PACRG: variants seen among roughly 807,000 people sequenced by gnomAD.
The protein encoded by PACRG is parkin coregulated gene protein.
A neutral mutation model predicts 29.7 loss-of-function variants in PACRG; 29 were observed. The observed-to-expected ratio is 0.98, with a 90% CI of 0.73 to 1.33. The LOEUF (loss-of-function observed/expected upper bound fraction) is 1.33, where lower values mean the gene tolerates loss of function less well. PACRG is among the 40% of genes most tolerant of loss of function. The pLI is 0.00. For missense variants in PACRG, 279 were observed against 316.2 expected, an observed-to-expected ratio of 0.88 and a Z score of 0.89; for synonymous variants, 116 against 118.7, an observed-to-expected ratio of 0.98 and a Z score of 0.15.
chr6:163,256,701 G>A (rs1783122415), intron 4 of PACRG, among the ~76,000 whole-genome samples: 1 of 152,200 alleles, frequency 6.6e-6, no homozygotes, highest in South Asian at 2.1e-4. Flanking sequence ...GAGGTGACAG[G>A]GAAGGTGGCC....
At chr6:163,234,678 G>A (rs1176463812) in intron 4 of PACRG, among the ~76,000 whole-genome samples, 1 of 152,170 alleles carries the variant, frequency 6.6e-6, no homozygotes, top group African/African-American at 2.4e-5. Context: ...AACCACAGGA[G>A]TTTACTTCTA....
At chr6:163,250,733 A>G (rs576369625) in intron 4 of PACRG, among the ~76,000 whole-genome samples, 76 of 152,304 alleles carry the variant, frequency 5.0e-4, no homozygotes, top group African/African-American at 1.8e-3. Context: ...TAGCAGCACA[A>G]TTCACAATTT....
intron 1 of PACRG, among the ~76,000 whole-genome samples, chr6:162,808,203 A>G (rs1160565518): frequency 6.6e-6 from 1 of 152,220 alleles, no homozygotes. Flanking sequence ...AAGGTAACCG[A>G]TTTACCATTC....
chr6:162,773,493 C>CTTTTTTTTTT (rs1562582605), intron 1 of PACRG, among the ~76,000 whole-genome samples: 57 of 82,730 alleles, frequency 6.9e-4, no homozygotes, highest in African/African-American at 2.5e-3. Context: ...TACAGCTTGT[C>CTTTTTTTTTT]ATTTTTTTTT....
intron 2 of PACRG, among the ~76,000 whole-genome samples, chr6:162,914,156 T>C (rs1478554076): frequency 1.3e-5 from 2 of 152,170 alleles, no homozygotes; most frequent in African/African-American, 2.4e-5. Context: ...CAAGATCTCC[T>C]ATGCTTTGTT....
At chr6:163,043,501 G>A (rs1808969848) in intron 2 of PACRG, among the ~76,000 whole-genome samples, 1 of 151,886 alleles carries the variant, frequency 6.6e-6, no homozygotes, top group Non-Finnish European at 1.5e-5. Context: ...GCAGTGAGCC[G>A]AGATCGCACC....
intron 2 of PACRG, among the ~76,000 whole-genome samples, chr6:162,903,698 G>C: frequency 6.6e-6 from 1 of 152,142 alleles, no homozygotes; most frequent in Non-Finnish European, 1.5e-5. Flanking sequence ...GATTCGGGTG[G>C]AGACACAGCC....
intron 4 of PACRG, among the ~76,000 whole-genome samples, chr6:163,266,611 T>G (rs76800853): frequency 6.6e-6 from 1 of 152,208 alleles, no homozygotes; most frequent in Admixed American, 6.5e-5. Flanking sequence ...CTGATTTTTT[T>G]GCTCACATTT....
intron 4 of PACRG, among the ~76,000 whole-genome samples, chr6:163,194,696 G>T (rs1780368012): frequency 6.6e-6 from 1 of 152,338 alleles, no homozygotes; most frequent in South Asian, 2.1e-4. Context: ...CATCAAAATA[G>T]CCTATTTGTG....
intron 2 of PACRG, among the ~76,000 whole-genome samples, chr6:162,860,807 A>T (rs542526975): frequency 6.6e-6 from 1 of 152,314 alleles, no homozygotes; most frequent in East Asian, 1.9e-4. Context: ...GTGGATAATT[A>T]TTCTCTCCTT....
At chr6:162,879,932 G>A (rs933044818) in intron 2 of PACRG, among the ~76,000 whole-genome samples, 1 of 152,254 alleles carries the variant, frequency 6.6e-6, no homozygotes, top group Non-Finnish European at 1.5e-5. Flanking sequence ...GAGAATGTGT[G>A]AGGGGATATA....
At chr6:163,095,258 C>A (rs1237356386) in intron 4 of PACRG, 3 of 985,172 alleles carry the variant, frequency 3.0e-6, no homozygotes, top group Non-Finnish European at 3.6e-6. Flanking sequence ...CAACCCAAAT[C>A]CACTTATAAA....
At chr6:163,274,650 A>G (rs926805043) in intron 4 of PACRG, among the ~76,000 whole-genome samples, 1 of 152,230 alleles carries the variant, frequency 6.6e-6, no homozygotes, top group Non-Finnish European at 1.5e-5. Flanking sequence ...TCCCACCAAC[A>G]GTGTAAAAAT....
chr6:163,184,628 A>G (rs993594195), intron 4 of PACRG, among the ~76,000 whole-genome samples: 3 of 152,228 alleles, frequency 2.0e-5, no homozygotes, highest in Non-Finnish European at 4.4e-5. Context: ...TCTAAGTGGT[A>G]CAGGTGCTAT....
chr6:163,204,007 A>G (rs1780807741), intron 4 of PACRG, among the ~76,000 whole-genome samples: 1 of 152,236 alleles, frequency 6.6e-6, no homozygotes, highest in Admixed American at 6.5e-5. Flanking sequence ...GTCGGAACTA[A>G]TTGCCTATTT....
intron 4 of PACRG, chr6:163,170,448 C>T (rs1210889583): frequency 6.6e-6 from 1 of 152,232 alleles, no homozygotes; most frequent in African/African-American, 2.4e-5. Flanking sequence ...GCAATTCTCT[C>T]CAGGCACCAC....
chr6:162,964,486 C>A (rs976471033), intron 2 of PACRG, among the ~76,000 whole-genome samples: 4 of 152,100 alleles, frequency 2.6e-5, no homozygotes, highest in Admixed American at 1.3e-4. Context: ...GATTCGAAGT[C>A]CTGAGGGGCA....
Position 163,315,210 on chromosome 6 carries a change from G to C in PACRG, c.*223G>C. 1 of 434,840 alleles carries C rather than the reference G, an allele frequency of 2.3e-6. No individual in the cohort carries two copies. The highest frequency in any genetic ancestry group is 4.0e-6 in the Non-Finnish European group (1 of 252,040). The allele number at this position is 434,840 out of a possible 1,614,324, so 26.9% of individuals were successfully genotyped here. On this transcript the variant is annotated 3_prime_UTR_variant, in exon 5 of 5. Transcript: ENST00000366888. The stretch of plus-strand genomic sequence containing the variant: ...TTACAATAGTGTACTGTGCTTATTT[G>C]TTCTAAGAGAAGAATTGCTTCTTTA...
intron 2 of PACRG, among the ~76,000 whole-genome samples, chr6:162,815,875 C>T (rs568859309): frequency 6.6e-6 from 1 of 152,018 alleles, no homozygotes; most frequent in East Asian, 1.9e-4. Context: ...AATAATATGT[C>T]ATAATTCTTT....
Sources: allele counts gnomAD v4.1 joint callset (sites outside exome capture counted in the v4.1 genomes callset), GRCh38; gene constraint gnomAD v4.1.1; transcripts MANE v1.5; gene names NCBI Gene and HGNC (gene_info 2026-07-23, HGNC 2026-07-21).